Variants in KYNU observed in about 807,000 individuals in gnomAD.
The protein encoded by KYNU is L-kynurenine hydrolase.
In KYNU, 54 loss-of-function variants were observed where a neutral mutation model predicts 59.2. The ratio of observed to expected loss-of-function variants is 0.91; its 90% CI spans 0.73 to 1.14. The LOEUF is 1.14. Among genes scored for constraint, KYNU ranks in the 50% most tolerant of loss-of-function variants. The pLI is 0.00. For missense variants in KYNU, 567 were observed against 554.4 expected, an observed-to-expected ratio of 1.02 and a Z score of -0.23; for synonymous variants, 177 against 192.0, an observed-to-expected ratio of 0.92 and a Z score of 0.65.
At chr2:142,940,241 C>T (rs1683553749) in intron 4 of KYNU, among the ~76,000 whole-genome samples, 3 of 152,212 alleles carry the variant, frequency 2.0e-5, no homozygotes, top group Non-Finnish European at 4.4e-5. Context: ...AGAATATGTG[C>T]TTCTCTTAGC....
rs1220583935 is a variant in KYNU at position 143,044,333 on chromosome 2, T to A, written c.*2161T>A. Reference sequence around the variant, plus strand: ...GTCTTTATAGTAGAATGATTTATAATCCTTAGGGTATACCCAGTAATGGGA... The same window carrying A: ...GTCTTTATAGTAGAATGATTTATAAACCTTAGGGTATACCCAGTAATGGGA... On this transcript the variant is annotated 3_prime_UTR_variant, in exon 14 of 14. Transcript: ENST00000264170. 6.6e-6 allele frequency: 1 copy of A among 152,158 alleles called. No homozygotes were observed. Among genetic ancestry groups the A allele is most frequent in the Non-Finnish European group, 1.5e-5 (1 of 68,016 alleles). The allele number at this position is 152,158 out of a possible 1,614,324, so 9.4% of individuals were successfully genotyped here.
At chr2:143,023,709 A>G (rs766279609) in intron 10 of KYNU, among the ~76,000 whole-genome samples, 9 of 151,944 alleles carry the variant, frequency 5.9e-5, no homozygotes, top group East Asian at 3.8e-4. Context: ...TGCTAAATCT[A>G]TAATTGTTCA....
chr2:143,031,204 C>T (rs1203246774), intron 11 of KYNU, among the ~76,000 whole-genome samples: 2 of 152,008 alleles, frequency 1.3e-5, no homozygotes, highest in African/African-American at 4.8e-5. Context: ...TGTTATTATA[C>T]CAGTTATTTA....
At chr2:142,906,061 C>G (rs1682284961) in intron 2 of KYNU, among the ~76,000 whole-genome samples, 1 of 151,540 alleles carries the variant, frequency 6.6e-6, no homozygotes, top group Non-Finnish European at 1.5e-5. Flanking sequence ...GCCTCTTTCT[C>G]TTTCTCTCCT....
chr2:142,903,780 C>T (rs1682189719), intron 2 of KYNU, among the ~76,000 whole-genome samples: 1 of 152,112 alleles, frequency 6.6e-6, no homozygotes, highest in Admixed American at 6.6e-5. Context: ...CCAGTGATTC[C>T]CTTGACATAA....
chr2:142,988,960 A>C, intron 10 of KYNU: 15 of 1,354,668 alleles, frequency 1.1e-5, no homozygotes, highest in Non-Finnish European at 1.5e-5. Context: ...GTTTTGCTGA[A>C]ACTTAACTTT....
intron 8 of KYNU, among the ~76,000 whole-genome samples, chr2:142,977,183 C>T (rs577114418): frequency 6.6e-6 from 1 of 152,048 alleles, no homozygotes; most frequent in South Asian, 2.1e-4. Flanking sequence ...TCTGGAATGC[C>T]CTTGGCCAAG....
intron 7 of KYNU, 108 bp downstream of exon 7, chr2:142,957,823 A>G: frequency 2.7e-6 from 2 of 743,230 alleles, no homozygotes; most frequent in Non-Finnish European, 4.7e-6. Context: ...TGGAACTTTC[A>G]AGAAAGCATG....
At position 142,985,196 on chromosome 2, in the gene KYNU, A is replaced by G. The variant is rs375846097; in HGVS notation, c.828+14A>G. 4.4e-5 allele frequency: 64 copies of G among 1,469,308 alleles called. No homozygotes were observed. The highest frequency in any genetic ancestry group is 3.4e-4 in the South Asian group (30 of 88,212). The allele number at this position is 1,469,308 out of a possible 1,614,324, so 91.0% of individuals were successfully genotyped here. A position where few individuals can be genotyped will look rare whatever the true frequency, so the allele number is the denominator to read the frequency against. ...TGTTCCTACAAGGTACAAACGAGTTAATACATTTACATCCCTTTATTTCAC... is the reference window on the plus strand; with the variant it reads ...TGTTCCTACAAGGTACAAACGAGTTGATACATTTACATCCCTTTATTTCAC... On this transcript the variant is annotated intron_variant, in intron 9 of 13. Coordinates refer to ENST00000264170, the MANE Select transcript of KYNU (RefSeq NM_003937.3).
rs374794571 is a variant in KYNU at position 142,983,152 on chromosome 2, G to T, written c.730-1932G>T. On this transcript the variant is annotated intron_variant, in intron 8 of 13. Transcript: ENST00000264170. ...CAGCTGAGCTCATTCATGTTTCTGT[G>T]GCAAACTGCAAGGGGTGAGGAGGGC... Among the ~76,000 whole-genome samples, 328 of 148,804 alleles carry T rather than the reference G, an allele frequency of 2.2e-3. 2 individuals are homozygous for T. The highest frequency in any genetic ancestry group is 0.015 in the South Asian group (73 of 4,798).
At chr2:143,028,778 G>A (rs548876384) in intron 10 of KYNU, among the ~76,000 whole-genome samples, 2 of 152,174 alleles carry the variant, frequency 1.3e-5, no homozygotes, top group East Asian at 3.9e-4. Context: ...AACCCGGAAG[G>A]CGGAGGTTGT....
rs1038410545 is a variant in KYNU, at chr2:143,048,230, G to T, written c.*6058G>T. On this transcript the variant is annotated 3_prime_UTR_variant, in exon 14 of 14. Coordinates refer to ENST00000264170, the MANE Select transcript of KYNU (RefSeq NM_003937.3). ...GTGTGTGTGGAGGTGTATTGAGTCCGTTTTTTCTTTCTATTTGTGTGGAAA... is the reference window on the plus strand; with the variant it reads ...GTGTGTGTGGAGGTGTATTGAGTCCTTTTTTTCTTTCTATTTGTGTGGAAA... 6.6e-6 allele frequency: 1 copy of T among 151,836 alleles called. No homozygotes were observed. Among genetic ancestry groups the T allele is most frequent in the Non-Finnish European group, 1.5e-5 (1 of 67,952 alleles). 9.4% of individuals were successfully genotyped at this position (151,836 alleles called of 1,614,324 possible).
At chr2:143,003,042 G>A (rs766646792) in intron 10 of KYNU, among the ~76,000 whole-genome samples, 21 of 152,072 alleles carry the variant, frequency 1.4e-4, no homozygotes, top group Non-Finnish European at 2.8e-4. Context: ...GCCTTAATGG[G>A]GGAGTCACAA....
At chr2:143,014,728 T>C (rs1360972441) in intron 10 of KYNU, among the ~76,000 whole-genome samples, 6 of 152,238 alleles carry the variant, frequency 3.9e-5, no homozygotes. Flanking sequence ...GCAAAATTCT[T>C]AATACATTTA....
Position 143,042,583 on chromosome 2 carries a change from GATATATATATATATATATATAT to G in KYNU, c.*438_*459del, listed in dbSNP as rs10528472. ...GAGTTTCTTTGAAGCATTGTAGTCT[GATATATATATATATATATATAT>G]ATATATATATATATATATATATATA... On this transcript the variant is annotated 3_prime_UTR_variant, in exon 14 of 14. Coordinates refer to ENST00000264170, the MANE Select transcript of KYNU (RefSeq NM_003937.3). 2.3e-3 allele frequency: 313 copies of G among 136,318 alleles called. 2 individuals are homozygous for G. Among genetic ancestry groups the G allele is most frequent in the African/African-American group, 6.6e-3 (218 of 32,946 alleles). 8.4% of individuals were successfully genotyped at this position (136,318 alleles called of 1,614,324 possible).
chr2:142,940,785 C>T (rs1683569948), intron 4 of KYNU, among the ~76,000 whole-genome samples: 1 of 152,166 alleles, frequency 6.6e-6, no homozygotes, highest in African/African-American at 2.4e-5. Context: ...GTCAAAAATC[C>T]TAGAAACCAC....
At chr2:142,883,186 CTTTTTTTTTTT>C (rs70997528) in intron 1 of KYNU, among the ~76,000 whole-genome samples, 5 of 72,034 alleles carry the variant, frequency 6.9e-5, no homozygotes, top group East Asian at 8.9e-4. Flanking sequence ...TCCCAAATTT[CTTTTTTTTTTT>C]TTTTTTTTTT....
intron 2 of KYNU, among the ~76,000 whole-genome samples, chr2:142,912,387 T>TTTTTTTTTTTTTTC (rs1558917019): frequency 2.9e-5 from 4 of 139,300 alleles, no homozygotes; most frequent in East Asian, 2.1e-4. Flanking sequence ...TTTTTTTTTT[T>TTTTTTTTTTTTTTC]TTTTTTTTTG....
intron 10 of KYNU, among the ~76,000 whole-genome samples, chr2:143,003,602 C>CA (rs1040144467): frequency 6.6e-6 from 1 of 151,666 alleles, no homozygotes; most frequent in African/African-American, 2.4e-5. Context: ...AACAAACAAA[C>CA]AAAAAACACT....
Sources: gnomAD v4.1 joint callset for allele counts (sites outside exome capture counted in the v4.1 genomes callset) on GRCh38, gnomAD v4.1.1 for gene constraint, MANE v1.5 for transcripts, NCBI Gene and HGNC (gene_info 2026-07-23, HGNC 2026-07-21) for gene names.